Variants in MMP9 observed in about 807,000 individuals in gnomAD.
MMP9 encodes matrix metalloproteinase-9.
A neutral mutation model predicts 76.4 loss-of-function variants in MMP9; 73 were observed. The observed-to-expected ratio is 0.96, with a 90% CI of 0.79 to 1.16. The LOEUF (loss-of-function observed/expected upper bound fraction) is 1.16, where lower values mean the gene tolerates loss of function less well. Among genes scored for constraint, MMP9 ranks in the 50% most tolerant of loss-of-function variants. MMP9 has a pLI of 0.00. For missense variants in MMP9, 943 were observed against 973.0 expected (o/e 0.97, Z 0.41); for synonymous variants, 412 against 408.4 (o/e 1.01, Z -0.11).
intron 1 of MMP9, among the ~76,000 whole-genome samples, 153 bp downstream of exon 1, chr20:46,009,217 G>A (rs2084260911): frequency 6.6e-6 from 1 of 152,150 alleles, no homozygotes; most frequent in Non-Finnish European, 1.5e-5. Context: ...GTTAGGCAGT[G>A]GGGGGTCTTG....
At chr20:46,009,751 G>T in intron 1 of MMP9, 115 bp from the exon 2 acceptor site, 1 of 944,798 alleles carries the variant, frequency 1.1e-6, no homozygotes, top group East Asian at 2.6e-5. Flanking sequence ...CCGTCTCTCC[G>T]AAAAAGAAAA....
At chr20:46,012,768 G>A (rs2084291702) in intron 8 of MMP9, among the ~76,000 whole-genome samples, 186 bp downstream of exon 8, 1 of 152,176 alleles carries the variant, frequency 6.6e-6, no homozygotes, top group African/African-American at 2.4e-5. Context: ...TGGTGATAAA[G>A]AGACTCTAGA....
rs1277278430 is a variant in MMP9 at position 46,014,459 on chromosome 20, G to A, written c.1990G>A (p.Val664Ile). ...CGGGGTGCCTTTGGACACGCACGAC[G>A]TCTTCCAGTACCGAGGTGAGGGCTG... ...FPGVPLDTHD[V>I]FQYREKAYFC... The change falls in exon 12 of 13, where the codon GTC becomes ATC. Residue 664 changes from valine (V) to isoleucine (I), a missense_variant. Transcript: ENST00000372330. The A allele has an allele frequency of 1.2e-5, 19 of 1,550,460 alleles. No homozygotes were observed. The highest frequency in any genetic ancestry group is 1.5e-5 in the Non-Finnish European group (17 of 1,146,978).
At chr20:46,014,696 T>G (rs2084308585) in intron 12 of MMP9, 2 of 609,888 alleles carry the variant, frequency 3.3e-6, no homozygotes, top group South Asian at 3.9e-5. Context: ...CTGGAAGCTC[T>G]TTCTCCTTCA....
Position 46,013,874 on chromosome 20 carries a change from C to T in MMP9, c.1750+78C>T, listed in dbSNP as rs2084302178. 1 of 1,585,876 alleles carries T rather than the reference C, an allele frequency of 6.3e-7. No homozygotes were observed. The highest frequency in any genetic ancestry group is 2.3e-5 in the East Asian group (1 of 44,328). Reference sequence around the variant, plus strand: ...GGCTCAAGAGACCATCGATAACCCACGAAACGTCTTGTGCGTTTTAGAAAA... The same window carrying T: ...GGCTCAAGAGACCATCGATAACCCATGAAACGTCTTGTGCGTTTTAGAAAA... On this transcript the variant is annotated intron_variant, in intron 10 of 12. Coordinates refer to ENST00000372330, the MANE Select transcript of MMP9 (RefSeq NM_004994.3). The surrounding 1 kb of genome is among the most constrained non-coding windows in gnomAD (Gnocchi z 4.5).
chr20:46,013,697 C>T lies in MMP9; in HGVS notation c.1651C>T (p.Gln551Ter). ...CTCTGAGGGCAGGGGGAGCCGGCCGCAGGGCCCCTTCCTTATCGCCGACAA... is the reference window on the plus strand; with the variant it reads ...CTCTGAGGGCAGGGGGAGCCGGCCGTAGGGCCCCTTCCTTATCGCCGACAA... ...RFSEGRGSRP[Q>*]GPFLIADKWP... The change falls in exon 10 of 13, where the codon CAG (glutamine) becomes TAG (stop). Residue 551 changes from glutamine to a stop codon, truncating the protein, a stop_gained. Coordinates refer to ENST00000372330, the MANE Select transcript of MMP9 (RefSeq NM_004994.3). LOFTEE classifies it high-confidence loss of function. This position sits in a 1 kb window ranked among gnomAD's most constrained non-coding sequence, Gnocchi z 4.5. 6.2e-7 allele frequency: 1 copy of T among 1,613,914 alleles called. No individual in the cohort carries two copies. The highest frequency in any genetic ancestry group is 8.5e-7 in the Non-Finnish European group (1 of 1,179,962).
chr20:46,011,960 T>A (rs1419339716), intron 6 of MMP9, among the ~76,000 whole-genome samples, 177 bp from the exon 7 acceptor site: 1 of 152,218 alleles, frequency 6.6e-6, no homozygotes, highest in Non-Finnish European at 1.5e-5. Flanking sequence ...TCTGCCCAGC[T>A]GGCCGCCTCT....
chr20:46,013,495 T>A lies in MMP9; in HGVS notation c.1571T>A (p.Ile524Asn), dbSNP rs1038064393. The part of the protein sequence containing the change: ...DACNVNIFDA[I>N]AEIGNQLYLF... Reference sequence around the variant, plus strand: ...TGCAACGTGAACATCTTCGACGCCATCGCGGAGATTGGGAACCAGCTGTAT... The same window carrying A: ...TGCAACGTGAACATCTTCGACGCCAACGCGGAGATTGGGAACCAGCTGTAT... Residue 524 changes from isoleucine to asparagine, a missense_variant, in exon 9 of 13, where the codon ATC becomes AAC. Physicochemically the swap from Ile to Asn is moderately radical, Grantham distance 149. Transcript: ENST00000372330. This position sits in a 1 kb window ranked among gnomAD's most constrained non-coding sequence, Gnocchi z 4.5. 1 of 1,614,104 alleles carries A rather than the reference T, an allele frequency of 6.2e-7. No individual in the cohort carries two copies. Among genetic ancestry groups the A allele is most frequent in the Non-Finnish European group, 8.5e-7 (1 of 1,179,998 alleles).
chr20:46,010,333 A>AAAAAAAAAAAAAAAC lies in MMP9; in HGVS notation c.372-142_372-141insAAAAAACAAAAAAAA, dbSNP rs796972949. ...GGGTCTAAGTAGACAAAAAAAAAAA[A>AAAAAAAAAAAAAAAC]AAAAAAAACAGTCTGGAAGCAATTT... On this transcript the variant is annotated intron_variant, in intron 2 of 12. Transcript: ENST00000372330. 8.4e-6 allele frequency: 7 copies of AAAAAAAAAAAAAAAC among 828,806 alleles called. No individual in the cohort carries two copies. In the African/African-American group the frequency reaches 1.3e-4, roughly 15 times the overall value. The allele number at this position is 828,806 out of a possible 1,614,324, so 51.3% of individuals were successfully genotyped here.
chr20:46,009,187 G>T (rs1019755801), intron 1 of MMP9, 123 bp downstream of exon 1: 1 of 1,115,806 alleles, frequency 9.0e-7, no homozygotes, highest in Non-Finnish European at 1.3e-6. Flanking sequence ...GGGCGTATCT[G>T]AAGAACAGAG....
Position 46,013,864 on chromosome 20 carries a change from C to G in MMP9, c.1750+68C>G. 6.3e-7 allele frequency: 1 copy of G among 1,595,560 alleles called. No homozygotes were observed. Among genetic ancestry groups the G allele is most frequent in the Non-Finnish European group, 8.6e-7 (1 of 1,169,152 alleles). The stretch of plus-strand genomic sequence containing the variant: ...CAGTCAAGGAGGCTCAAGAGACCAT[C>G]GATAACCCACGAAACGTCTTGTGCG... On this transcript the variant is annotated intron_variant, in intron 10 of 12. Coordinates refer to ENST00000372330, the MANE Select transcript of MMP9 (RefSeq NM_004994.3). This position sits in a 1 kb window ranked among gnomAD's most constrained non-coding sequence, Gnocchi z 4.5.
Position 46,013,175 on chromosome 20 carries a change from A to G in MMP9, c.1331-80A>G. The G allele has an allele frequency of 6.4e-7, 1 of 1,560,632 alleles. No homozygotes were observed. Among genetic ancestry groups the G allele is most frequent in the Middle Eastern group, 1.7e-4 (1 of 5,878 alleles). ...CTGTGTGCCAGAGGAGGCTTCACTG[A>G]GAAGCTTAGGGGAGCAGATGTTCTA... is the stretch of plus-strand genomic sequence containing the variant. On this transcript the variant is annotated intron_variant, in intron 8 of 12. Coordinates refer to ENST00000372330, the MANE Select transcript of MMP9 (RefSeq NM_004994.3). The surrounding 1 kb of genome is among the most constrained non-coding windows in gnomAD (Gnocchi z 4.5).
chr20:46,013,612 G>A lies in MMP9; in HGVS notation c.1611-45G>A. 4 of 1,613,068 alleles carry A rather than the reference G, an allele frequency of 2.5e-6. No individual in the cohort carries two copies. The highest frequency in any genetic ancestry group is 3.4e-6 in the Non-Finnish European group (4 of 1,179,272). On this transcript the variant is annotated intron_variant, in intron 9 of 12. Transcript: ENST00000372330. The surrounding 1 kb of genome is among the most constrained non-coding windows in gnomAD (Gnocchi z 4.5). ...CCGTCCCTTCCCGCCCACTGGCCCTGTGTCCAAGGCTTAGAGCCCGTCCTT... is the reference window on the plus strand; with the variant it reads ...CCGTCCCTTCCCGCCCACTGGCCCTATGTCCAAGGCTTAGAGCCCGTCCTT...
Position 46,012,241 on chromosome 20 carries a change from G to A in MMP9, c.1102G>A (p.Asp368Asn). ...GACCTGTACCAGCGAGGGCCGCGGA[G>A]ATGGGCGCCTCTGGTGCGCTACCAC... Reference protein sequence around the residue: ...YSTCTSEGRGDGRLWCATTSN... With the variant: ...YSTCTSEGRGNGRLWCATTSN... Residue 368 changes from aspartate to asparagine, a missense_variant, in exon 7 of 13, where the codon GAT becomes AAT. Physicochemically the swap from Asp to Asn is conservative, Grantham distance 23. Transcript: ENST00000372330. 1 of 1,614,132 alleles carries A rather than the reference G, an allele frequency of 6.2e-7. No individual in the cohort carries two copies. The highest frequency in any genetic ancestry group is 8.5e-7 in the Non-Finnish European group (1 of 1,180,042).
At position 46,016,353 on chromosome 20, in the gene MMP9, G is replaced by T. The variant is rs1240143691; in HGVS notation, c.2109G>T (p.Gln703His). The T allele has an allele frequency of 6.2e-7, 1 of 1,613,990 alleles. No individual in the cohort carries two copies. The highest frequency in any genetic ancestry group is 2.2e-5 in the East Asian group (1 of 44,876). ...GCTACGTGACCTATGACATCCTGCA[G>T]TGCCCTGAGGACTAGGGCTCCCGTC... ...QVGYVTYDIL[Q>H]CPED Residue 703 changes from glutamine to histidine, a missense_variant, in exon 13 of 13, where the codon CAG becomes CAT. Gln to His is a conservative substitution (Grantham distance 24). Coordinates refer to ENST00000372330, the MANE Select transcript of MMP9 (RefSeq NM_004994.3).
In MMP9 at chr20:46,013,448, T is replaced by A; in HGVS notation, c.1524T>A (p.Pro508=). 1 of 1,613,784 alleles carries A rather than the reference T, an allele frequency of 6.2e-7. No homozygotes were observed. The highest frequency in any genetic ancestry group is 8.5e-7 in the Non-Finnish European group (1 of 1,179,986). ...TAGPSTATTV[P]LSPVDDACNV... ...GCCCTTCTACGGCCACTACTGTGCC[T>A]TTGAGTCCGGTGGACGATGCCTGCA... The change falls in exon 9 of 13, where the codon CCT becomes CCA. Residue 508 remains proline (P), a synonymous_variant. Transcript: ENST00000372330. This position sits in a 1 kb window ranked among gnomAD's most constrained non-coding sequence, Gnocchi z 4.5.
At position 46,012,489 on chromosome 20, in the gene MMP9, T is replaced by C. The variant is rs1479632722; in HGVS notation, c.1237T>C (p.Ser413Pro). 6.2e-7 allele frequency: 1 copy of C among 1,614,134 alleles called. No homozygotes were observed. The highest frequency in any genetic ancestry group is 1.1e-5 in the South Asian group (1 of 91,090). Reference sequence around the variant, plus strand: ...CCACGCGCTGGGCTTAGATCATTCCTCAGTGCCGGAGGCGCTCATGTACCC... The same window carrying C: ...CCACGCGCTGGGCTTAGATCATTCCCCAGTGCCGGAGGCGCTCATGTACCC... ...FGHALGLDHS[S>P]VPEALMYPMY... is the part of the protein sequence containing the mutation. The change falls in exon 8 of 13, where the codon TCA becomes CCA. Residue 413 changes from serine (S) to proline (P), a missense_variant. Physicochemically the swap from Ser to Pro is moderately conservative, Grantham distance 74. Coordinates refer to ENST00000372330, the MANE Select transcript of MMP9 (RefSeq NM_004994.3).
intron 8 of MMP9, 127 bp downstream of exon 8, chr20:46,012,709 T>C (rs2084291253): frequency 1.4e-6 from 2 of 1,386,592 alleles, no homozygotes; most frequent in Admixed American, 2.0e-5. Flanking sequence ...TCAACGTCTG[T>C]CTGGAAGCAG....
chr20:46,011,316 A>C lies in MMP9; in HGVS notation c.823A>C (p.Arg275=). 1 of 1,601,542 alleles carries C rather than the reference A, an allele frequency of 6.2e-7. No individual in the cohort carries two copies. The highest frequency in any genetic ancestry group is 8.5e-7 in the Non-Finnish European group (1 of 1,177,136). ...CCGGTTTGGCTTCTGCCCCAGCGAGAGTGAGTGAGGGGGCTCGCCGAGGGC... is the reference window on the plus strand; with the variant it reads ...CCGGTTTGGCTTCTGCCCCAGCGAGCGTGAGTGAGGGGGCTCGCCGAGGGC... ...DDRFGFCPSE[R]LYTQDGNADG... is the part of the protein sequence containing the mutation. Residue 275 remains arginine (R), a splice_region_variant and synonymous_variant, in exon 5 of 13, where the codon AGA becomes CGA. Coordinates refer to ENST00000372330, the MANE Select transcript of MMP9 (RefSeq NM_004994.3).
Sources: allele counts gnomAD v4.1 joint callset (sites outside exome capture counted in the v4.1 genomes callset), GRCh38; gene constraint gnomAD v4.1.1; non-coding constraint Gnocchi (gnomAD v3.1); transcripts MANE v1.5; gene names NCBI Gene and HGNC (gene_info 2026-07-23, HGNC 2026-07-21).